MACROD2: variants seen among roughly 807,000 people sequenced by gnomAD.
The protein encoded by MACROD2 is mono-ADP ribosylhydrolase 2.
A neutral mutation model predicts 70.4 loss-of-function variants in MACROD2; 36 were observed. The observed-to-expected ratio is 0.51, with a 90% CI of 0.39 to 0.68. The LOEUF (loss-of-function observed/expected upper bound fraction) is 0.68, where lower values mean the gene tolerates loss of function less well. Among genes scored for constraint, MACROD2 ranks in the 30% least tolerant of loss-of-function variants. MACROD2 has a pLI of 0.00. For synonymous variants in MACROD2, 172 were observed against 178.8 expected, an observed-to-expected ratio of 0.96 and a Z score of 0.30; for missense variants, 496 against 538.4, an observed-to-expected ratio of 0.92 and a Z score of 0.78.
intron 8 of MACROD2, among the ~76,000 whole-genome samples, chr20:15,730,825 G>A (rs998597300): frequency 6.6e-6 from 1 of 150,502 alleles, no homozygotes; most frequent in South Asian, 2.1e-4. Context: ...GTCTGACAAT[G>A]AGTCATACAT....
chr20:16,035,076 ATAATATG>A (rs200777483), intron 15 of MACROD2, among the ~76,000 whole-genome samples: 4,666 of 36,802 alleles, frequency 0.13, 316 homozygotes, highest in South Asian at 0.24. Flanking sequence ...TATATAAAAT[ATAATATG>A]TAATATAAAA....
chr20:14,252,471 T>C (rs1431586003), intron 3 of MACROD2, among the ~76,000 whole-genome samples: 1 of 152,054 alleles, frequency 6.6e-6, no homozygotes, highest in East Asian at 1.9e-4. Flanking sequence ...TTTTTTTCTA[T>C]TTATTCTATG....
At chr20:15,447,525 C>A (rs182030068) in intron 7 of MACROD2, among the ~76,000 whole-genome samples, 155 of 152,284 alleles carry the variant, frequency 1.0e-3, no homozygotes, top group African/African-American at 3.6e-3. Flanking sequence ...TCCTACCAGG[C>A]TCTCCAGCCC....
rs527744627 is a variant in MACROD2 at position 14,496,825 on chromosome 20, G to A, written c.301+3317G>A. 6.7e-4 allele frequency among the ~76,000 whole-genome samples: 102 copies of A among 151,738 alleles called. 1 individual carries two copies. The South Asian group carries it at 0.017, about 25-fold the overall frequency. On this transcript the variant is annotated intron_variant, in intron 4 of 17. Transcript: ENST00000684519. ...GTGACTGAATTGTACTTTTCAGGAGGCATTTATATTAATGTTAAAAATCTT... is the reference window on the plus strand; with the variant it reads ...GTGACTGAATTGTACTTTTCAGGAGACATTTATATTAATGTTAAAAATCTT...
intron 3 of MACROD2, among the ~76,000 whole-genome samples, chr20:14,188,734 G>A (rs2081363353): frequency 6.6e-6 from 1 of 152,054 alleles, no homozygotes; most frequent in African/African-American, 2.4e-5. Context: ...AGTGTTTTGA[G>A]TTATGCCAGA....
intron 3 of MACROD2, among the ~76,000 whole-genome samples, chr20:14,177,059 A>G (rs925854047): frequency 1.3e-5 from 2 of 152,180 alleles, no homozygotes; most frequent in Non-Finnish European, 1.5e-5. Context: ...CCCTCTTTGT[A>G]TACAAACACT....
chr20:14,057,155 A>G (rs2053639819), intron 2 of MACROD2, among the ~76,000 whole-genome samples: 1 of 152,178 alleles, frequency 6.6e-6, no homozygotes, highest in Non-Finnish European at 1.5e-5. Flanking sequence ...AGGACAGTAT[A>G]AGAGAATATC....
At chr20:15,822,148 A>G (rs2063945252) in intron 8 of MACROD2, among the ~76,000 whole-genome samples, 1 of 152,194 alleles carries the variant, frequency 6.6e-6, no homozygotes, top group Non-Finnish European at 1.5e-5. Context: ...ATTTAGGGAC[A>G]TGCAGATCTG....
intron 9 of MACROD2, among the ~76,000 whole-genome samples, chr20:15,877,172 C>G (rs1240468827): frequency 1.3e-5 from 2 of 152,126 alleles, no homozygotes; most frequent in African/African-American, 4.8e-5. Context: ...CATCCCAGCC[C>G]TCTCTGGTGT....
chr20:15,968,827 A>ATATATATACT (rs2066184405), intron 13 of MACROD2, among the ~76,000 whole-genome samples: 1 of 142,834 alleles, frequency 7.0e-6, no homozygotes, highest in Non-Finnish European at 1.5e-5. Flanking sequence ...ATATATATAT[A>ATATATATACT]TATATATATA....
intron 4 of MACROD2, among the ~76,000 whole-genome samples, chr20:14,633,871 C>T (rs1387632086): frequency 6.6e-6 from 1 of 152,178 alleles, no homozygotes; most frequent in Non-Finnish European, 1.5e-5. Flanking sequence ...TCCCCTATGG[C>T]ATTCTCTCTT....
intron 3 of MACROD2, among the ~76,000 whole-genome samples, chr20:14,209,739 TG>T (rs1329562177): frequency 6.6e-6 from 1 of 152,038 alleles, no homozygotes; most frequent in Non-Finnish European, 1.5e-5. Flanking sequence ...GGAATGAGCA[TG>T]GGGGGTTTTG....
chr20:14,820,661 G>A (rs140348881), intron 5 of MACROD2, among the ~76,000 whole-genome samples: 2 of 152,168 alleles, frequency 1.3e-5, no homozygotes, highest in African/African-American at 2.4e-5. Context: ...TCATTAGCCA[G>A]TTAGTTACAT....
At chr20:14,028,955 A>G (rs1259021286) in intron 2 of MACROD2, among the ~76,000 whole-genome samples, 1 of 152,226 alleles carries the variant, frequency 6.6e-6, no homozygotes, top group Non-Finnish European at 1.5e-5. Flanking sequence ...AGTTGATGAT[A>G]TAGCATACTT....
At chr20:14,128,794 A>G (rs1221890257) in intron 3 of MACROD2, among the ~76,000 whole-genome samples, 1 of 152,160 alleles carries the variant, frequency 6.6e-6, no homozygotes, top group Non-Finnish European at 1.5e-5. Context: ...CTTAATATTG[A>G]TGCTGAATCT....
chr20:14,654,171 A>G (rs1210509363), intron 4 of MACROD2, among the ~76,000 whole-genome samples: 1 of 152,142 alleles, frequency 6.6e-6, no homozygotes, highest in African/African-American at 2.4e-5. Context: ...AAAGAAACCA[A>G]AAGTGCTATA....
intron 6 of MACROD2, among the ~76,000 whole-genome samples, chr20:15,271,609 A>G (rs1259294938): frequency 6.6e-6 from 1 of 152,212 alleles, no homozygotes; most frequent in East Asian, 1.9e-4. Flanking sequence ...TCTTTTCCTG[A>G]CATGTAGTAT....
At chr20:14,668,769 GT>G (rs1027178417) in intron 4 of MACROD2, among the ~76,000 whole-genome samples, 54 of 151,596 alleles carry the variant, frequency 3.6e-4, no homozygotes, top group African/African-American at 9.0e-4. Flanking sequence ...TGCTCTTAGA[GT>G]TTTTTTTCAT....
chr20:15,327,215 C>T (rs1291502181), intron 6 of MACROD2, among the ~76,000 whole-genome samples: 1 of 152,000 alleles, frequency 6.6e-6, no homozygotes, highest in Non-Finnish European at 1.5e-5. Flanking sequence ...TTAGAAAGGC[C>T]TATTTGTTCA....
Sources: gnomAD v4.1 joint callset for allele counts (sites outside exome capture counted in the v4.1 genomes callset) on GRCh38, gnomAD v4.1.1 for gene constraint, MANE v1.5 for transcripts, NCBI Gene and HGNC (gene_info 2026-07-23, HGNC 2026-07-21) for gene names.